NTM: variants seen among roughly 807,000 people sequenced by gnomAD.
NTM encodes IgLON family member 2.
A neutral mutation model predicts 42.1 loss-of-function variants in NTM; 13 were observed. The observed-to-expected ratio is 0.31, with a 90% CI of 0.20 to 0.49. The LOEUF (loss-of-function observed/expected upper bound fraction) is 0.49, where lower values mean the gene tolerates loss of function less well. NTM is among the 20% of genes least tolerant of loss of function. NTM has a pLI of 0.99. For synonymous variants in NTM, 187 were observed against 179.2 expected (o/e 1.04, Z -0.35); for missense variants, 373 against 452.8 (o/e 0.82, Z 1.60).
In NTM at chr11:131,737,571, T is replaced by G. The variant is rs546379929; in HGVS notation, c.83-173993T>G. Among the ~76,000 whole-genome samples, 124 of 152,338 alleles carry G rather than the reference T, an allele frequency of 8.1e-4. 1 individual carries two copies. Among genetic ancestry groups the G allele is most frequent in the African/African-American group, 2.6e-3 (110 of 41,586 alleles). ...AGAACTCAGCAGAGGGCACCAAACA[T>G]CATTTTACTTCCTCCTCCCTGTTTC... is the stretch of plus-strand genomic sequence containing the variant. On this transcript the variant is annotated intron_variant, in intron 1 of 8. Coordinates refer to ENST00000683400, the MANE Select transcript of NTM (RefSeq NM_001352005.2).
intron 2 of NTM, among the ~76,000 whole-genome samples, chr11:131,983,877 A>G (rs1473211455): frequency 1.3e-5 from 2 of 152,216 alleles, no homozygotes; most frequent in Non-Finnish European, 2.9e-5. Flanking sequence ...TTCCCTGAGC[A>G]TTAGCTTCCA....
At chr11:131,939,760 G>A (rs1294626579) in intron 2 of NTM, among the ~76,000 whole-genome samples, 1 of 152,164 alleles carries the variant, frequency 6.6e-6, no homozygotes, top group Non-Finnish European at 1.5e-5. Context: ...AGAGCATGAG[G>A]AATTTACCAA....
chr11:131,860,491 G>A (rs1173534563), intron 1 of NTM, among the ~76,000 whole-genome samples: 1 of 152,196 alleles, frequency 6.6e-6, no homozygotes, highest in East Asian at 1.9e-4. Context: ...CAGAGTCTAA[G>A]GTCTTAACTG....
At chr11:132,314,472 G>A in intron 6 of NTM, 80 bp from the exon 7 acceptor site, 2 of 1,466,842 alleles carry the variant, frequency 1.4e-6, no homozygotes, top group Non-Finnish European at 1.8e-6. Context: ...GAGAAGACCA[G>A]GAATCCCTGG....
chr11:131,750,048 T>G (rs533431683), intron 1 of NTM, among the ~76,000 whole-genome samples: 1 of 152,322 alleles, frequency 6.6e-6, no homozygotes, highest in Admixed American at 6.5e-5. Flanking sequence ...CTGGGAACCC[T>G]GTGAGCCTTG....
intron 2 of NTM, among the ~76,000 whole-genome samples, chr11:132,104,580 C>CCT (rs1555263077): frequency 1.4e-5 from 2 of 142,508 alleles, no homozygotes; most frequent in African/African-American, 5.4e-5. Flanking sequence ...AGTGGGACCC[C>CCT]CCCCCACCAA....
At chr11:131,950,569 CAG>C (rs1213917859) in intron 2 of NTM, among the ~76,000 whole-genome samples, 2 of 152,180 alleles carry the variant, frequency 1.3e-5, no homozygotes, top group African/African-American at 4.8e-5. Context: ...TGAAAAAGAA[CAG>C]AGTCTGGTCA....
intron 1 of NTM, among the ~76,000 whole-genome samples, chr11:131,834,348 T>C (rs1214391486): frequency 6.6e-6 from 1 of 152,152 alleles, no homozygotes; most frequent in Admixed American, 6.6e-5. Context: ...ATTTCTTTGA[T>C]TTAATTCCAT....
intron 1 of NTM, among the ~76,000 whole-genome samples, chr11:131,882,721 A>G (rs1399379779): frequency 2.0e-5 from 3 of 152,204 alleles, no homozygotes; most frequent in East Asian, 1.9e-4. Context: ...TCTGCTGGAT[A>G]GAAAAAGAAA....
At chr11:132,181,955 TTTATTATTA>T (rs56263428) in intron 3 of NTM, among the ~76,000 whole-genome samples, 4,741 of 140,986 alleles carry the variant, frequency 0.034, 109 homozygotes, top group African/African-American at 0.063. Flanking sequence ...CACTATCTAG[TTTATTATTA>T]TTATTATTAT....
intron 1 of NTM, among the ~76,000 whole-genome samples, chr11:131,553,617 C>T (rs893366902): frequency 5.3e-5 from 8 of 152,184 alleles, no homozygotes; most frequent in African/African-American, 1.2e-4. Context: ...TCACCCTTCA[C>T]GCCCACTACC....
At position 131,637,192 on chromosome 11, in the gene NTM, G is replaced by A. The variant is rs1047193953; in HGVS notation, c.82+266304G>A. Among the ~76,000 whole-genome samples the A allele has an allele frequency of 2.6e-5, 4 of 152,048 alleles. No homozygotes were observed. In the East Asian group the frequency reaches 5.9e-4, roughly 22 times the overall value. On this transcript the variant is annotated intron_variant, in intron 1 of 8. Transcript: ENST00000683400. ...CAAAAATAAGTCCAGTGAAGTCTGC[G>A]ATGCATAGCCAGGACATCCATCCTC...
intron 2 of NTM, among the ~76,000 whole-genome samples, chr11:132,062,343 C>T (rs1480797889): frequency 6.6e-6 from 1 of 152,182 alleles, no homozygotes; most frequent in Non-Finnish European, 1.5e-5. Context: ...GGTGCTGACC[C>T]AGCTAGTTTC....
intron 4 of NTM, among the ~76,000 whole-genome samples, chr11:132,232,836 T>C (rs1223214168): frequency 6.6e-6 from 1 of 152,176 alleles, no homozygotes; most frequent in Non-Finnish European, 1.5e-5. Context: ...ATAAAGGTGT[T>C]TTTACATTTT....
chr11:131,617,368 A>G (rs2062046035), intron 1 of NTM, among the ~76,000 whole-genome samples: 1 of 152,188 alleles, frequency 6.6e-6, no homozygotes, highest in Non-Finnish European at 1.5e-5. Flanking sequence ...TCTTCATCTT[A>G]GTTTTGCTGA....
At chr11:131,718,596 G>A (rs2077975733) in intron 1 of NTM, among the ~76,000 whole-genome samples, 1 of 152,180 alleles carries the variant, frequency 6.6e-6, no homozygotes, top group South Asian at 2.1e-4. Flanking sequence ...TTCTGGGAAG[G>A]TTCTTTGCCC....
intron 1 of NTM, among the ~76,000 whole-genome samples, chr11:131,637,311 G>T (rs918364828): frequency 2.0e-5 from 3 of 151,932 alleles, no homozygotes; most frequent in Admixed American, 2.0e-4. Context: ...CACAAGAAAA[G>T]AGACACTCCA....
At position 132,002,104 on chromosome 11, in the gene NTM, C is replaced by T. The variant is rs754053556; in HGVS notation, c.167+90456C>T. On this transcript the variant is annotated intron_variant, in intron 2 of 8. Transcript: ENST00000683400. The surrounding 1 kb of genome is among the most constrained non-coding windows in gnomAD (Gnocchi z 4.5). The stretch of plus-strand genomic sequence containing the variant: ...GGTGGAGAGTTGATGCTGTCCATGG[C>T]AACCGGGGCTGGAAATTATGCTGCC... 3.3e-5 allele frequency among the ~76,000 whole-genome samples: 5 copies of T among 152,096 alleles called. No homozygotes were observed. The highest frequency in any genetic ancestry group is 7.4e-5 in the Non-Finnish European group (5 of 68,016).
intron 1 of NTM, among the ~76,000 whole-genome samples, chr11:131,855,906 G>A (rs74792461): frequency 0.053 from 8,027 of 152,182 alleles, 689 homozygotes; most frequent in African/African-American, 0.18. Context: ...TCTGACACAC[G>A]TCAGATATTT....
Sources: allele counts gnomAD v4.1 joint callset (sites outside exome capture counted in the v4.1 genomes callset), GRCh38; gene constraint gnomAD v4.1.1; non-coding constraint Gnocchi (gnomAD v3.1); transcripts MANE v1.5; gene names NCBI Gene and HGNC (gene_info 2026-07-23, HGNC 2026-07-21).